The following LINC02747 variants were observed in gnomAD, a reference collection of about 807,000 sequenced individuals.
LINC02747 encodes the protein long independently transcribed non-coding RNA 2747.
exon 2 of LINC02747, chr11:69,476,929 C>G (rs1435238512): frequency 1.3e-5 from 2 of 152,230 alleles, no homozygotes; most frequent in South Asian, 4.1e-4. Context: ...CAGACCATTC[C>G]CAGGCTGAAG....
chr11:69,479,493 T>C (rs1857028358), intron 1 of LINC02747, among the ~76,000 whole-genome samples: 1 of 152,122 alleles, frequency 6.6e-6, no homozygotes, highest in Admixed American at 6.5e-5. Flanking sequence ...AAAAACGCCC[T>C]GTTGTGCACA....
rs546472605 is a variant in LINC02747, at chr11:69,478,864, T to C, written n.121-1251A>G. Among the ~76,000 whole-genome samples the C allele has an allele frequency of 4.6e-5, 7 of 151,612 alleles. No individual in the cohort carries two copies. In the East Asian group the frequency reaches 1.4e-3, roughly 30 times the overall value. On this transcript the variant is annotated intron_variant and non_coding_transcript_variant, in intron 1 of 1. Coordinates refer to ENST00000645449, the Ensembl canonical transcript of LINC02747. ...CTGGGTGACAGAGCGAGACTCTGTC[T>C]CAAAAAAAGAAACCAGCAATCAGAT...
At chr11:69,479,121 G>T (rs969562262) in intron 1 of LINC02747, among the ~76,000 whole-genome samples, 1 of 151,664 alleles carries the variant, frequency 6.6e-6, no homozygotes, top group African/African-American at 2.4e-5. Context: ...CGGGCATAAT[G>T]GCGGGCACCT....
chr11:69,479,244 G>C (rs1310816113), intron 1 of LINC02747, among the ~76,000 whole-genome samples: 9 of 110,942 alleles, frequency 8.1e-5, no homozygotes, highest in African/African-American at 2.6e-4. Flanking sequence ...GACAAAGTGA[G>C]ACTCTGTCTC....
intron 1 of LINC02747, among the ~76,000 whole-genome samples, chr11:69,477,888 A>C (rs1171935172): frequency 6.6e-6 from 1 of 152,132 alleles, no homozygotes; most frequent in Non-Finnish European, 1.5e-5. Context: ...ATGAAAATGC[A>C]AGACCCTCCT....
chr11:69,476,963 G>A (rs1215992847), exon 2 of LINC02747: 1 of 152,296 alleles, frequency 6.6e-6, no homozygotes, highest in Non-Finnish European at 1.5e-5. Context: ...GGTGAGGCCA[G>A]GGCCAGTGGG....
At chr11:69,478,098 C>A (rs116076520) in intron 1 of LINC02747, among the ~76,000 whole-genome samples, 2,802 of 152,248 alleles carry the variant, frequency 0.018, 79 homozygotes, top group African/African-American at 0.064. Flanking sequence ...AAATGAATAA[C>A]AAAATGGCTG....
chr11:69,477,821 G>A (rs1192171910), intron 1 of LINC02747, among the ~76,000 whole-genome samples: 1 of 152,162 alleles, frequency 6.6e-6, no homozygotes, highest in African/African-American at 2.4e-5. Flanking sequence ...GGCAGGATGT[G>A]GGAACAGCAG....
At chr11:69,478,578 C>T (rs1447835832) in intron 1 of LINC02747, among the ~76,000 whole-genome samples, 1 of 152,206 alleles carries the variant, frequency 6.6e-6, no homozygotes, top group Non-Finnish European at 1.5e-5. Flanking sequence ...CGAGGTGGCT[C>T]ATGCCTGTAA....
intron 1 of LINC02747, among the ~76,000 whole-genome samples, chr11:69,478,540 G>A (rs1324284404): frequency 6.6e-6 from 1 of 152,166 alleles, no homozygotes; most frequent in African/African-American, 2.4e-5. Flanking sequence ...AAAGGAATAT[G>A]TTCCTAAAAA....
At chr11:69,480,212 A>G (rs1857036425) in intron 1 of LINC02747, among the ~76,000 whole-genome samples, 1 of 152,062 alleles carries the variant, frequency 6.6e-6, no homozygotes, top group Non-Finnish European at 1.5e-5. Flanking sequence ...TGACATGGCG[A>G]GCCTGGGCCA....
exon 2 of LINC02747, chr11:69,477,428 C>T (rs185654099): frequency 2.6e-4 from 39 of 152,372 alleles, no homozygotes; most frequent in African/African-American, 9.1e-4. Context: ...GGGTCCTGGA[C>T]GCTTGTTCAC....
At chr11:69,481,200 C>T (rs1479910208) in intron 1 of LINC02747, among the ~76,000 whole-genome samples, 1 of 152,208 alleles carries the variant, frequency 6.6e-6, no homozygotes, top group Non-Finnish European at 1.5e-5. Context: ...GAGGCTGTGC[C>T]ACTCAGCCGA....
At chr11:69,476,174 C>CCCATAGG (rs1341844742) in exon 2 of LINC02747, 3 of 152,230 alleles carry the variant, frequency 2.0e-5, no homozygotes, top group Non-Finnish European at 2.9e-5. Flanking sequence ...TATCTGGCAC[C>CCCATAGG]CCATAGGCGC....
At chr11:69,479,686 GCA>G (rs1248500441) in intron 1 of LINC02747, 1 of 152,532 alleles carries the variant, frequency 6.6e-6, no homozygotes, top group Non-Finnish European at 1.5e-5. Flanking sequence ...TCCCCAGAAC[GCA>G]CACTCACCTT....
chr11:69,479,254 C>CAAAA (rs34812492), intron 1 of LINC02747, among the ~76,000 whole-genome samples: 25 of 47,488 alleles, frequency 5.3e-4, no homozygotes, highest in East Asian at 2.6e-3. Flanking sequence ...GACTCTGTCT[C>CAAAA]AAAAAAAAAA....
chr11:69,479,276 AAGAG>A lies in LINC02747; in HGVS notation n.121-1667_121-1664del, dbSNP rs1322668958. On this transcript the variant is annotated intron_variant and non_coding_transcript_variant, in intron 1 of 1. Coordinates refer to ENST00000645449, the Ensembl canonical transcript of LINC02747. ...TCTCAAAAAAAAAAAAAAAAAAAAA[AAGAG>A]AGAGAGAGAGAGGAGAGAGAGAGAA... Among the ~76,000 whole-genome samples the A allele has an allele frequency of 2.4e-3, 358 of 147,302 alleles. 1 individual carries two copies. Among genetic ancestry groups the A allele is most frequent in the African/African-American group, 6.4e-3 (249 of 39,044 alleles).
Position 69,477,959 on chromosome 11 carries a change from G to T in LINC02747, n.121-346C>A, listed in dbSNP as rs957407571. ...CCCTTCTGAGCCCGTGGCCCCTGTG[G>T]TGGGGATGGGGCGAGGAACAGTTCA... On this transcript the variant is annotated intron_variant and non_coding_transcript_variant, in intron 1 of 1. Coordinates refer to ENST00000645449, the Ensembl canonical transcript of LINC02747. Among the ~76,000 whole-genome samples, 13 of 152,190 alleles carry T rather than the reference G, an allele frequency of 8.5e-5. 1 individual carries two copies. Among genetic ancestry groups the T allele is most frequent in the Admixed American group, 5.2e-4 (8 of 15,282 alleles).
chr11:69,476,601 G>T (rs1856997759), exon 2 of LINC02747: 1 of 152,104 alleles, frequency 6.6e-6, no homozygotes, highest in African/African-American at 2.4e-5. Flanking sequence ...GGGGTGGGCC[G>T]CTGGGAGGAA....
Sources: gnomAD v4.1 joint callset for allele counts (sites outside exome capture counted in the v4.1 genomes callset) on GRCh38, gnomAD v4.1.1 for gene constraint, MANE v1.5 for transcripts, NCBI Gene and HGNC (gene_info 2026-07-23, HGNC 2026-07-21) for gene names.